Variants in ALG9 observed in about 807,000 individuals in gnomAD.
The protein encoded by ALG9 is alpha-1,2-mannosyltransferase ALG9.
ALG9 carries 55 observed loss-of-function variants against 81.8 expected under a neutral mutation model. The ratio of observed to expected loss-of-function variants is 0.67; its 90% CI spans 0.54 to 0.84. The LOEUF (loss-of-function observed/expected upper bound fraction) is 0.84. ALG9 is among the 40% of genes least tolerant of loss of function. The pLI, the probability that ALG9 is intolerant of heterozygous loss-of-function variation, is 0.00. For synonymous variants in ALG9, 278 were observed against 274.3 expected (o/e 1.01, Z -0.13); for missense variants, 629 against 745.0 (o/e 0.84, Z 1.81).
At chr11:111,803,611 C>T (rs774793896) in intron 14 of ALG9, among the ~76,000 whole-genome samples, 21 of 151,458 alleles carry the variant, frequency 1.4e-4, no homozygotes, top group Non-Finnish European at 2.7e-4. Flanking sequence ...AAAGAAAAGA[C>T]AAATAGGTCA....
rs552503471 is a variant in ALG9, at chr11:111,799,052, G to A, written c.1733+10591C>T. ...GGCTTCTTCATACATTCACAGACAT[G>A]TGGAATTCCTAAATTTGCCCCAATC... On this transcript the variant is annotated intron_variant, in intron 14 of 14. Coordinates refer to ENST00000616540, the MANE Select transcript of ALG9 (RefSeq NM_024740.2). Among the ~76,000 whole-genome samples, 11 of 152,324 alleles carry A rather than the reference G, an allele frequency of 7.2e-5. No homozygotes were observed. In the South Asian group the frequency reaches 2.3e-3, roughly 32 times the overall value.
chr11:111,791,150 A>G (rs1947342051), intron 14 of ALG9, among the ~76,000 whole-genome samples: 1 of 152,236 alleles, frequency 6.6e-6, no homozygotes, highest in African/African-American at 2.4e-5. Context: ...GCAATCAAAC[A>G]AAAAAATCAA....
intron 8 of ALG9, among the ~76,000 whole-genome samples, chr11:111,846,945 G>T (rs1168332433): frequency 2.0e-5 from 3 of 152,100 alleles, no homozygotes; most frequent in Non-Finnish European, 4.4e-5. Flanking sequence ...GTCTCTGCAG[G>T]GAGTGACTCA....
Position 111,844,741 on chromosome 11 carries a change from G to A in ALG9, c.896-18C>T. 2.5e-6 allele frequency: 4 copies of A among 1,612,696 alleles called. No homozygotes were observed. Among genetic ancestry groups the A allele is most frequent in the Non-Finnish European group, 3.4e-6 (4 of 1,178,976 alleles). On this transcript the variant is annotated intron_variant, in intron 8 of 14. Transcript: ENST00000616540. ...TTCTGTACCTGAGGGAGACATAAAG[G>A]TAAGAAATCATTAGTGGATGCCTTT...
chr11:111,806,748 T>C (rs1192037623), intron 14 of ALG9, among the ~76,000 whole-genome samples: 2 of 152,236 alleles, frequency 1.3e-5, no homozygotes, highest in African/African-American at 4.8e-5. Flanking sequence ...CTAGACTGTA[T>C]ATCTAGCTGC....
At chr11:111,807,308 C>T (rs374175183) in intron 14 of ALG9, among the ~76,000 whole-genome samples, 30 of 152,288 alleles carry the variant, frequency 2.0e-4, no homozygotes, top group African/African-American at 6.7e-4. Context: ...TTCACTCTTG[C>T]TCAGCTCCAG....
chr11:111,793,544 A>G (rs1363114908), intron 14 of ALG9, among the ~76,000 whole-genome samples: 8 of 151,958 alleles, frequency 5.3e-5, no homozygotes, highest in African/African-American at 7.2e-5. Context: ...GGCGGATCAC[A>G]AGGTCAGGAG....
At chr11:111,844,542 G>A in intron 9 of ALG9, 59 bp downstream of exon 9, 1 of 1,609,316 alleles carries the variant, frequency 6.2e-7, no homozygotes, top group Non-Finnish European at 8.5e-7. Context: ...TCAGTTCTTG[G>A]TATACACCAT....
Position 111,840,679 on chromosome 11 carries a change from G to A in ALG9, c.1149C>T (p.Gly383=), listed in dbSNP as rs1057521573. ...FPVYPLICLC[G]AVALSALQHS... ...CCTGAAGTGCAGAGAGAGCCACAGC[G>A]CCACAGAGACATATAAGTGGATACA... Residue 383 remains glycine, a synonymous_variant, in exon 10 of 15, where the codon GGC becomes GGT. Coordinates refer to ENST00000616540, the MANE Select transcript of ALG9 (RefSeq NM_024740.2). The A allele has an allele frequency of 4.8e-5, 78 of 1,613,810 alleles. No individual in the cohort carries two copies. Among genetic ancestry groups the A allele is most frequent in the Non-Finnish European group, 6.4e-5 (75 of 1,179,966 alleles).
In ALG9 at chr11:111,840,676, A is replaced by G. The variant is rs1956081260; in HGVS notation, c.1152T>C (p.Ala384=). The G allele has an allele frequency of 1.9e-6, 3 of 1,614,168 alleles. No individual in the cohort carries two copies. Among genetic ancestry groups the G allele is most frequent in the Non-Finnish European group, 2.5e-6 (3 of 1,180,010 alleles). The change falls in exon 10 of 15, where the codon GCT becomes GCC. Residue 384 remains alanine, a synonymous_variant. Transcript: ENST00000616540. ...TCACCTGAAGTGCAGAGAGAGCCAC[A>G]GCGCCACAGAGACATATAAGTGGAT... ...PVYPLICLCG[A]VALSALQHSF...
chr11:111,772,161 C>T, the ALG9 span, among the ~76,000 whole-genome samples: 1 of 152,224 alleles, frequency 6.6e-6, no homozygotes, highest in Admixed American at 6.5e-5. Context: ...TGAGGTGGCT[C>T]ATGCCTGTAA....
Position 111,784,611 on chromosome 11 carries a change from G to C in ALG9, c.*1786C>G, listed in dbSNP as rs1290094053. The C allele has an allele frequency of 6.6e-6, 1 of 152,166 alleles. No homozygotes were observed. The highest frequency in any genetic ancestry group is 2.4e-5 in the African/African-American group (1 of 41,412). 9.4% of individuals were successfully genotyped at this position (152,166 alleles called of 1,614,324 possible). A position where few individuals can be genotyped will look rare whatever the true frequency, so the allele number is the denominator to read the frequency against. ...CGCATGCCTGTAATCCCAGCTACTC[G>C]GGTGGCTGAGGCATGAGAATTGCTT... is the stretch of plus-strand genomic sequence containing the variant. On this transcript the variant is annotated 3_prime_UTR_variant, in exon 15 of 15. Coordinates refer to ENST00000616540, the MANE Select transcript of ALG9 (RefSeq NM_024740.2).
At chr11:111,857,173 G>A (rs1958834775) in intron 6 of ALG9, among the ~76,000 whole-genome samples, 2 of 152,252 alleles carry the variant, frequency 1.3e-5, no homozygotes, top group East Asian at 1.9e-4. Flanking sequence ...TTTCAAATCC[G>A]AGTGAGTGAA....
chr11:111,810,484 G>A (rs1001838382), intron 13 of ALG9, among the ~76,000 whole-genome samples: 7 of 152,276 alleles, frequency 4.6e-5, no homozygotes, highest in African/African-American at 9.6e-5. Context: ...AGCCAGGTCC[G>A]GTGACTCTCG....
At chr11:111,831,866 T>C (rs557867672) in intron 13 of ALG9, among the ~76,000 whole-genome samples, 4 of 152,360 alleles carry the variant, frequency 2.6e-5, no homozygotes, top group African/African-American at 9.6e-5. Context: ...GTTTCAAAAA[T>C]GCAAATTTTT....
At position 111,868,670 on chromosome 11, in the gene ALG9, A is replaced by C; in HGVS notation, c.337T>G (p.Ser113Ala). Residue 113 changes from serine (S) to alanine (A), a missense_variant, in exon 3 of 15, where the codon TCC (serine) becomes GCC (alanine). Ser to Ala is a moderately conservative substitution (Grantham distance 99). This residue lies in a region of ALG9 where 344 missense variants were observed against 390.5 expected (regional missense o/e 0.88). Transcript: ENST00000616540. ...WEYSPAYAIR[S>A]YAYLLLHAWP... ...GCATGAAGCAACAGGTAAGCATAGG[A>C]GCGAATGGCATATGCTGGGGAATAT... 6.2e-7 allele frequency: 1 copy of C among 1,613,864 alleles called. No homozygotes were observed. Among genetic ancestry groups the C allele is most frequent in the Non-Finnish European group, 8.5e-7 (1 of 1,179,754 alleles).
chr11:111,854,653 T>A (rs1188100314), intron 6 of ALG9, among the ~76,000 whole-genome samples: 2 of 152,256 alleles, frequency 1.3e-5, no homozygotes, highest in African/African-American at 4.8e-5. Context: ...CTTCTGTGAT[T>A]TGAACCTCCA....
intron 4 of ALG9, among the ~76,000 whole-genome samples, chr11:111,862,319 C>T (rs1465780582): frequency 6.6e-6 from 1 of 150,916 alleles, no homozygotes; most frequent in Non-Finnish European, 1.5e-5. Context: ...CTGCAATTTC[C>T]GTCTCTTGAG....
At chr11:111,814,392 G>T (rs1951175874) in intron 13 of ALG9, among the ~76,000 whole-genome samples, 1 of 152,152 alleles carries the variant, frequency 6.6e-6, no homozygotes, top group Non-Finnish European at 1.5e-5. Context: ...ACAGGGGTGT[G>T]GGTAGGTGAT....
Sources: allele counts gnomAD v4.1 joint callset (sites outside exome capture counted in the v4.1 genomes callset), GRCh38; gene constraint gnomAD v4.1.1; regional missense constraint gnomAD v4.1.1; transcripts MANE v1.5; gene names NCBI Gene and HGNC (gene_info 2026-07-23, HGNC 2026-07-21).